LSAMP: variants seen among roughly 807,000 people sequenced by gnomAD.
LSAMP encodes limbic system associated membrane protein, also known as limbic system-associated membrane protein.
Under a neutral mutation model 38.6 loss-of-function variants are expected in LSAMP, and 7 were observed. The ratio of observed to expected loss-of-function variants is 0.18; its 90% CI spans 0.10 to 0.34. LSAMP has a LOEUF of 0.34. Ranked by LOEUF, LSAMP falls within the 10% of genes least tolerant of loss-of-function variation. The pLI, the probability that LSAMP is intolerant of heterozygous loss-of-function variation, is 1.00. For synonymous variants in LSAMP, 154 were observed against 166.8 expected (o/e 0.92, Z 0.59); for missense variants, 313 against 420.0 (o/e 0.75, Z 2.23).
intron 1 of LSAMP, among the ~76,000 whole-genome samples, chr3:116,247,985 CAA>C (rs752471782): frequency 6.6e-5 from 10 of 152,132 alleles, no homozygotes; most frequent in Non-Finnish European, 1.3e-4. Flanking sequence ...GGGAGAAAAA[CAA>C]AGAGTATGGT....
rs1933770842 is a variant in LSAMP at position 115,810,178 on chromosome 3, T to C, written c.*139A>G. 4 of 603,064 alleles carry C rather than the reference T, an allele frequency of 6.6e-6. No homozygotes were observed. Among genetic ancestry groups the C allele is most frequent in the Non-Finnish European group, 1.2e-5 (4 of 342,334 alleles). The allele number at this position is 603,064 out of a possible 1,614,324, so 37.4% of individuals were successfully genotyped here. On this transcript the variant is annotated 3_prime_UTR_variant, in exon 7 of 7. Transcript: ENST00000490035. ...CTTCTTCACTTTCTTATTTCCCCCTTCATGTATAAACACACAAAGTTGTGA... is the reference window on the plus strand; with the variant it reads ...CTTCTTCACTTTCTTATTTCCCCCTCCATGTATAAACACACAAAGTTGTGA...
At chr3:116,246,821 T>G (rs942821446) in intron 1 of LSAMP, among the ~76,000 whole-genome samples, 1 of 152,150 alleles carries the variant, frequency 6.6e-6, no homozygotes, top group Non-Finnish European at 1.5e-5. Context: ...TCAAAACAGC[T>G]ACATGACTGA....
At chr3:116,164,664 A>AATCCAAATATATATATATG (rs1709994281) in intron 1 of LSAMP, among the ~76,000 whole-genome samples, 1 of 135,554 alleles carries the variant, frequency 7.4e-6, no homozygotes, top group Non-Finnish European at 1.6e-5. Context: ...ATATATATAT[A>AATCCAAATATATATATATG]ATCCAAATAT....
chr3:116,018,598 T>C (rs913545516), intron 3 of LSAMP, among the ~76,000 whole-genome samples: 2 of 152,206 alleles, frequency 1.3e-5, no homozygotes, highest in Admixed American at 1.3e-4. Context: ...CCTATCTTTC[T>C]GGAAGATTTA....
At chr3:116,189,047 T>TA (rs1474581845) in intron 1 of LSAMP, among the ~76,000 whole-genome samples, 2 of 152,198 alleles carry the variant, frequency 1.3e-5, no homozygotes, top group African/African-American at 4.8e-5. Flanking sequence ...AAAGACCAAC[T>TA]AATTCATAAG....
At chr3:115,943,332 T>C (rs1187647485) in intron 3 of LSAMP, among the ~76,000 whole-genome samples, 1 of 152,160 alleles carries the variant, frequency 6.6e-6, no homozygotes, top group Non-Finnish European at 1.5e-5. Context: ...TGGCTCTTCC[T>C]TGAGACCAGC....
chr3:116,079,401 G>A (rs1319716523), intron 2 of LSAMP, among the ~76,000 whole-genome samples: 2 of 152,204 alleles, frequency 1.3e-5, no homozygotes, highest in African/African-American at 4.8e-5. Context: ...GCTTACGCCT[G>A]TAATCCCAGC....
intron 1 of LSAMP, among the ~76,000 whole-genome samples, chr3:116,181,580 A>G (rs1234179149): frequency 6.6e-6 from 1 of 152,100 alleles, no homozygotes; most frequent in African/African-American, 2.4e-5. Flanking sequence ...AGTGTTGCAT[A>G]ATGATGACAT....
At chr3:116,286,638 G>A (rs9683049) in intron 1 of LSAMP, among the ~76,000 whole-genome samples, 2 of 151,778 alleles carry the variant, frequency 1.3e-5, no homozygotes, top group Admixed American at 6.6e-5. Context: ...ATCTGACTAC[G>A]GCTCATTTAC....
chr3:116,210,874 C>G (rs2046147419), intron 1 of LSAMP, among the ~76,000 whole-genome samples: 1 of 151,930 alleles, frequency 6.6e-6, no homozygotes, highest in South Asian at 2.1e-4. Context: ...GAAGAGATAT[C>G]CAGCTTTTAT....
chr3:116,184,030 C>T (rs565945743), intron 1 of LSAMP, among the ~76,000 whole-genome samples: 32 of 151,706 alleles, frequency 2.1e-4, no homozygotes, highest in African/African-American at 6.8e-4. Flanking sequence ...ATGTGCTGTA[C>T]GATGTCAACT....
At chr3:116,048,773 A>G (rs75573256) in intron 2 of LSAMP, among the ~76,000 whole-genome samples, 3,385 of 152,286 alleles carry the variant, frequency 0.022, 108 homozygotes, top group African/African-American at 0.074. Flanking sequence ...GAGATGATAT[A>G]ACTCATCCTA....
chr3:116,244,885 G>A (rs926647013), intron 1 of LSAMP, among the ~76,000 whole-genome samples: 5 of 152,044 alleles, frequency 3.3e-5, no homozygotes, highest in African/African-American at 1.2e-4. Flanking sequence ...AGTTGCTCTT[G>A]TTAGCATTGT....
intron 1 of LSAMP, among the ~76,000 whole-genome samples, chr3:116,190,569 A>G (rs1710733028): frequency 6.6e-6 from 1 of 152,196 alleles, no homozygotes; most frequent in African/African-American, 2.4e-5. Context: ...TTTTTACAAC[A>G]CTGGCTTCAT....
intron 2 of LSAMP, among the ~76,000 whole-genome samples, chr3:116,046,612 A>T (rs903086654): frequency 8.5e-5 from 13 of 152,190 alleles, no homozygotes; most frequent in Non-Finnish European, 1.9e-4. Flanking sequence ...GAGGAATGAC[A>T]ACAGATAGAA....
chr3:116,404,045 A>G (rs1000498312), intron 1 of LSAMP, among the ~76,000 whole-genome samples: 2 of 151,930 alleles, frequency 1.3e-5, no homozygotes, highest in African/African-American at 2.4e-5. Context: ...AGAATTTTTT[A>G]TATGTTAAAA....
At chr3:115,838,476 C>A (rs1013897620) in intron 6 of LSAMP, among the ~76,000 whole-genome samples, 1 of 152,196 alleles carries the variant, frequency 6.6e-6, no homozygotes, top group African/African-American at 2.4e-5. Flanking sequence ...TCATGCATAT[C>A]CCCGTCTGAG....
At chr3:116,397,543 C>T (rs779170420) in intron 1 of LSAMP, among the ~76,000 whole-genome samples, 2 of 152,014 alleles carry the variant, frequency 1.3e-5, no homozygotes, top group African/African-American at 4.8e-5. Context: ...ATGCAAGCTT[C>T]GTGAGGACTG....
chr3:116,313,235 GT>G (rs2047582497), intron 1 of LSAMP, among the ~76,000 whole-genome samples: 1 of 152,186 alleles, frequency 6.6e-6, no homozygotes, highest in Non-Finnish European at 1.5e-5. Flanking sequence ...ACACTCGGCA[GT>G]ACTCTGTTGG....
Sources: gnomAD v4.1 joint callset for allele counts (sites outside exome capture counted in the v4.1 genomes callset) on GRCh38, gnomAD v4.1.1 for gene constraint, MANE v1.5 for transcripts, NCBI Gene and HGNC (gene_info 2026-07-23, HGNC 2026-07-21) for gene names.